C2CD3: variants seen among roughly 807,000 people sequenced by gnomAD.
C2CD3 encodes C2 domain-containing protein 3.
C2CD3 carries 148 observed loss-of-function variants against 234.0 expected under a neutral mutation model. The observed-to-expected ratio is 0.63, with a 90% CI of 0.55 to 0.72. C2CD3 has a LOEUF of 0.72. C2CD3 is among the 30% of genes least tolerant of loss of function. C2CD3 has a pLI of 0.00. For synonymous variants in C2CD3, 1,000 were observed against 1,035.4 expected (o/e 0.97, Z 0.66); for missense variants, 2,577 against 2,811.5 (o/e 0.92, Z 1.89).
chr11:74,066,909 G>A (rs946197846), intron 24 of C2CD3, among the ~76,000 whole-genome samples: 8 of 152,056 alleles, frequency 5.3e-5, no homozygotes, highest in African/African-American at 1.7e-4. Context: ...TGAAGTGTAG[G>A]GGTCCCTGTT....
intron 29 of C2CD3, among the ~76,000 whole-genome samples, chr11:74,039,787 C>A (rs1053578647): frequency 2.6e-5 from 4 of 152,172 alleles, no homozygotes; most frequent in Non-Finnish European, 5.9e-5. Context: ...AACAAAATAT[C>A]TGACCAGAAT....
At chr11:74,036,645 T>C (rs555183661) in intron 30 of C2CD3, among the ~76,000 whole-genome samples, 65 of 152,234 alleles carry the variant, frequency 4.3e-4, no homozygotes, top group Non-Finnish European at 7.6e-4. Flanking sequence ...ATCTAGTTGA[T>C]TTCCCAGTGT....
intron 23 of C2CD3, 75 bp from the exon 24 acceptor site, chr11:74,074,675 G>A: frequency 8.3e-7 from 1 of 1,203,408 alleles, no homozygotes; most frequent in East Asian, 2.6e-5. Flanking sequence ...ACTCACTGAG[G>A]GTGCTGTGGT....
chr11:74,164,275 G>A, intron 2 of C2CD3: 2 of 960,470 alleles, frequency 2.1e-6, no homozygotes, highest in Non-Finnish European at 2.5e-6. Context: ...AAATCACGTA[G>A]TGTAGCCATA....
chr11:74,139,054 G>T, intron 4 of C2CD3, 87 bp from the exon 5 acceptor site: 3 of 1,198,424 alleles, frequency 2.5e-6, no homozygotes, highest in African/African-American at 1.5e-5. Flanking sequence ...GTAGACCAGT[G>T]GTTTTGGCAA....
At chr11:74,096,980 T>C (rs1481111207) in intron 16 of C2CD3, among the ~76,000 whole-genome samples, 1 of 151,816 alleles carries the variant, frequency 6.6e-6, no homozygotes, top group Non-Finnish European at 1.5e-5. Context: ...TGAAATCCCA[T>C]CTCTACTAAA....
chr11:74,127,199 G>A (rs920661054), intron 7 of C2CD3, among the ~76,000 whole-genome samples: 4 of 152,290 alleles, frequency 2.6e-5, no homozygotes, highest in African/African-American at 9.6e-5. Flanking sequence ...TAGAGATGGG[G>A]TCTCCCCCTG....
chr11:74,165,463 G>A (rs1265792002), intron 2 of C2CD3, among the ~76,000 whole-genome samples: 2 of 152,088 alleles, frequency 1.3e-5, no homozygotes, highest in Non-Finnish European at 2.9e-5. Flanking sequence ...GCTAATATGT[G>A]ACAACATATT....
intron 12 of C2CD3, among the ~76,000 whole-genome samples, chr11:74,106,871 A>C (rs560114958): frequency 1.2e-4 from 19 of 152,370 alleles, no homozygotes; most frequent in Non-Finnish European, 2.6e-4. Context: ...TAATGCTATC[A>C]AGGCTATGGA....
intron 22 of C2CD3, among the ~76,000 whole-genome samples, chr11:74,081,865 G>A (rs1565269687): frequency 6.6e-6 from 1 of 152,160 alleles, no homozygotes; most frequent in East Asian, 1.9e-4. Flanking sequence ...TTGCTTATCA[G>A]CTTAAGGAGA....
chr11:74,100,551 G>T lies in C2CD3; in HGVS notation c.2706C>A (p.Pro902=), dbSNP rs754751183. Residue 902 remains proline, a synonymous_variant, in exon 15 of 33, where the codon CCC becomes CCA. Transcript: ENST00000334126. ...QDKLLGLVKL[P]LHQFYMSFKD... ...TGAATGACATGTAAAACTGGTGGAG[G>T]GGAAGTTTCACCAGCCCGAGCAGCT... The T allele has an allele frequency of 1.2e-6, 2 of 1,612,064 alleles. No homozygotes were observed. Among genetic ancestry groups the T allele is most frequent in the Admixed American group, 3.4e-5 (2 of 59,372 alleles).
intron 12 of C2CD3, among the ~76,000 whole-genome samples, chr11:74,108,453 T>C (rs893943176): frequency 6.6e-6 from 1 of 152,222 alleles, no homozygotes; most frequent in Admixed American, 6.5e-5. Flanking sequence ...TTTATTGATT[T>C]ACATTATGCC....
In C2CD3 at chr11:74,048,259, A is replaced by G; in HGVS notation, c.5441T>C (p.Leu1814Pro). The change falls in exon 28 of 33, where the codon CTA (leucine) becomes CCA (proline). Residue 1814 changes from leucine (L) to proline (P), a missense_variant. Physicochemically the swap from Leu to Pro is moderately conservative, Grantham distance 98. Coordinates refer to ENST00000334126, the MANE Select transcript of C2CD3 (RefSeq NM_001286577.2). ...TGAGGAGGCATGAGCAAGTTGGTCTAGGGTCTGCCTTGCCATGTGGCTGGA... is the reference window on the plus strand; with the variant it reads ...TGAGGAGGCATGAGCAAGTTGGTCTGGGGTCTGCCTTGCCATGTGGCTGGA... Reference protein sequence around the residue: ...AFSSHMARQTLDQLAHASSKE... With the variant: ...AFSSHMARQTPDQLAHASSKE... 1 of 1,613,748 alleles carries G rather than the reference A, an allele frequency of 6.2e-7. No homozygotes were observed. Among genetic ancestry groups the G allele is most frequent in the Non-Finnish European group, 8.5e-7 (1 of 1,179,788 alleles).
intron 27 of C2CD3, 80 bp downstream of exon 27, chr11:74,049,257 G>C (rs531938467): frequency 8.5e-7 from 1 of 1,176,566 alleles, no homozygotes; most frequent in South Asian, 1.3e-5. Context: ...ATAAGCCGGA[G>C]AGTGCCAAAC....
chr11:74,126,876 C>A (rs568890813), intron 7 of C2CD3, among the ~76,000 whole-genome samples: 1 of 152,330 alleles, frequency 6.6e-6, no homozygotes, highest in African/African-American at 2.4e-5. Context: ...AACTCCATAA[C>A]CTTCAGCTAT....
At chr11:74,119,636 T>G (rs1311992996) in intron 8 of C2CD3, among the ~76,000 whole-genome samples, 4 of 128,180 alleles carry the variant, frequency 3.1e-5, no homozygotes, top group African/African-American at 1.3e-4. Context: ...GCAATACAAC[T>G]TTTTTTTTTT....
At chr11:74,019,320 G>A (rs959797556) in intron 32 of C2CD3, among the ~76,000 whole-genome samples, 8 of 151,638 alleles carry the variant, frequency 5.3e-5, no homozygotes, top group Non-Finnish European at 1.0e-4. Context: ...CCAGGGTGGC[G>A]CCAGCCAATT....
At chr11:74,086,446 T>C (rs1005447867) in intron 20 of C2CD3, among the ~76,000 whole-genome samples, 2 of 152,246 alleles carry the variant, frequency 1.3e-5, no homozygotes, top group Non-Finnish European at 2.9e-5. Context: ...CAGGAGGATG[T>C]TGGCTGTTTC....
At chr11:74,051,463 G>A (rs779229777) in intron 26 of C2CD3, among the ~76,000 whole-genome samples, 4 of 152,148 alleles carry the variant, frequency 2.6e-5, no homozygotes, top group Non-Finnish European at 5.9e-5. Context: ...AAACATACTT[G>A]AGGAGTGCTT....
Sources: allele counts gnomAD v4.1 joint callset (sites outside exome capture counted in the v4.1 genomes callset), GRCh38; gene constraint gnomAD v4.1.1; transcripts MANE v1.5; gene names NCBI Gene and HGNC (gene_info 2026-07-23, HGNC 2026-07-21).